The following CACNA1A variants were observed in gnomAD, a reference collection of about 807,000 sequenced individuals.
CACNA1A encodes the protein calcium voltage-gated channel subunit alpha1 A.
CACNA1A carries 57 observed loss-of-function variants against 262.4 expected under a neutral mutation model. The observed-to-expected ratio is 0.22, with a 90% confidence interval of 0.18 to 0.27. CACNA1A has a LOEUF of 0.27. Ranked by LOEUF, CACNA1A falls within the 10% of genes least tolerant of loss-of-function variation. CACNA1A has a pLI of 1.00. For missense variants in CACNA1A, 2,526 were observed against 3,562.8 expected (o/e 0.71, Z 7.41); for synonymous variants, 1,431 against 1,419.3 (o/e 1.01, Z -0.18).
At chr19:13,303,976 A>G in intron 15 of CACNA1A, 92 bp from the exon 16 acceptor site, 1 of 888,236 alleles carries the variant, frequency 1.1e-6, no homozygotes, top group Non-Finnish European at 1.8e-6. Flanking sequence ...CGCCCACCCC[A>G]TCCCCGAGCC....
intron 25 of CACNA1A, chr19:13,261,917 C>T: frequency 3.7e-6 from 1 of 266,988 alleles, no homozygotes; most frequent in African/African-American, 2.2e-5. Flanking sequence ...TCTCTCAATC[C>T]TTTTGAGTGA....
chr19:13,324,002 T>C (rs1169982588), intron 10 of CACNA1A, among the ~76,000 whole-genome samples: 1 of 152,146 alleles, frequency 6.6e-6, no homozygotes, highest in Non-Finnish European at 1.5e-5. Flanking sequence ...TGTCCCACAA[T>C]GGATGAATGG....
chr19:13,457,407 A>G (rs188734317), intron 1 of CACNA1A, among the ~76,000 whole-genome samples: 13 of 152,354 alleles, frequency 8.5e-5, no homozygotes, highest in Admixed American at 3.3e-4. Flanking sequence ...ATCGTAAGAC[A>G]GGTATTCCAA....
intron 3 of CACNA1A, among the ~76,000 whole-genome samples, chr19:13,386,207 GCCA>G (rs1212061224): frequency 4.0e-5 from 6 of 150,904 alleles, no homozygotes; most frequent in Non-Finnish European, 8.8e-5. Flanking sequence ...CCATCCAAGA[GCCA>G]CCACCACTAC....
At chr19:13,320,551 A>T (rs139838563) in intron 10 of CACNA1A, among the ~76,000 whole-genome samples, 36 of 151,852 alleles carry the variant, frequency 2.4e-4, no homozygotes, top group African/African-American at 7.0e-4. Flanking sequence ...CCATTGAGAA[A>T]GTCCTTCCTG....
At chr19:13,368,329 T>C (rs8109539) in intron 4 of CACNA1A, among the ~76,000 whole-genome samples, 39,619 of 150,798 alleles carry the variant, frequency 0.26, 9,235 homozygotes, top group African/African-American at 0.59. Context: ...TTTCTCTGCC[T>C]ATCATTGGCT....
Position 13,298,830 on chromosome 19 carries a change from G to A in CACNA1A, c.2803C>T (p.Arg935Trp), listed in dbSNP as rs931394162. Residue 935 changes from arginine to tryptophan, a missense_variant, in exon 19 of 47, where the codon CGG becomes TGG. This residue lies in a region of CACNA1A where 765 missense variants were observed against 748.6 expected (regional missense o/e 1.02). Transcript: ENST00000360228. ...AGDPHRRHVH[R>W]QGGSRESRSG... is the part of the protein sequence containing the mutation. ...CGGCTCTCCCTGCTGCCCCCCTGCCGGTGCACGTGCCTCCGGTGGGGGTCC... is the reference window on the plus strand; with the variant it reads ...CGGCTCTCCCTGCTGCCCCCCTGCCAGTGCACGTGCCTCCGGTGGGGGTCC... 5.7e-6 allele frequency: 9 copies of A among 1,576,070 alleles called. No individual in the cohort carries two copies. Among genetic ancestry groups the A allele is most frequent in the East Asian group, 2.3e-5 (1 of 42,864 alleles).
At chr19:13,458,808 TCAGAAGTGTCCCA>T (rs1325771654) in intron 1 of CACNA1A, among the ~76,000 whole-genome samples, 5 of 152,128 alleles carry the variant, frequency 3.3e-5, no homozygotes, top group Non-Finnish European at 7.3e-5. Context: ...GCCACACCCC[TCAGAAGTGTCCCA>T]CGCCAACAGG....
chr19:13,312,699 GAAGTAAGGCCGCGTCCC>G lies in CACNA1A; in HGVS notation c.1621_1637del (p.Gly541ProfsTer8), dbSNP rs2058057497. On this transcript the variant is annotated frameshift_variant, in exon 12 of 47. Transcript: ENST00000360228. LOFTEE classifies it high-confidence loss of function. ...AGTCAAAGCAGTTGAAGGAAGAGTGGAAGTAAGGCCGCGTCCCAAGCCCGTACATTTTTATAAACATT... is the reference window on the plus strand; with the variant it reads ...AGTCAAAGCAGTTGAAGGAAGAGTGGAAGCCCGTACATTTTTATAAACATT... 6.3e-7 allele frequency: 1 copy of G among 1,593,268 alleles called. No homozygotes were observed. Among genetic ancestry groups the G allele is most frequent in the Admixed American group, 1.8e-5 (1 of 55,636 alleles).
chr19:13,308,543 C>T lies in CACNA1A; in HGVS notation c.1669-15G>A. 1 of 1,540,674 alleles carries T rather than the reference C, an allele frequency of 6.5e-7. No homozygotes were observed. The highest frequency in any genetic ancestry group is 8.9e-7 in the Non-Finnish European group (1 of 1,118,160). ...CCAATGATAACCTAGGGCAGAGAAC[C>T]TGGTCTCATGTCCAGGGACAGTGTC... On this transcript the variant is annotated splice_polypyrimidine_tract_variant and intron_variant, in intron 12 of 46. Coordinates refer to ENST00000360228, the MANE Select transcript of CACNA1A (RefSeq NM_001127222.2). The surrounding 1 kb of genome is among the most constrained non-coding windows in gnomAD (Gnocchi z 4.2).
At chr19:13,467,015 C>A (rs2061257306) in intron 1 of CACNA1A, among the ~76,000 whole-genome samples, 1 of 151,952 alleles carries the variant, frequency 6.6e-6, no homozygotes, top group African/African-American at 2.4e-5. Flanking sequence ...GGATTACAGG[C>A]GTGAGCCACT....
At chr19:13,488,075 T>C (rs969548011) in intron 1 of CACNA1A, among the ~76,000 whole-genome samples, 1 of 152,162 alleles carries the variant, frequency 6.6e-6, no homozygotes, top group African/African-American at 2.4e-5. Context: ...CCACTGCATC[T>C]GACCCTACTC....
rs773844470 is a variant in CACNA1A at position 13,286,513 on chromosome 19, G to A, written c.3543C>T (p.Thr1181=). 3.2e-5 allele frequency: 46 copies of A among 1,457,896 alleles called. 1 individual carries two copies. The highest frequency in any genetic ancestry group is 1.4e-4 in the South Asian group (10 of 72,476). The allele number at this position is 1,457,896 out of a possible 1,614,324, so 90.3% of individuals were successfully genotyped here. The change falls in exon 20 of 47, where the codon ACC becomes ACT. Residue 1181 remains threonine (T), a synonymous_variant. Coordinates refer to ENST00000360228, the MANE Select transcript of CACNA1A (RefSeq NM_001127222.2). The part of the protein sequence containing the change: ...PPACPPPLNH[T]VVQVNKNANP... ...AGCAGAGGGTCTCACCTTGTACGAC[G>A]GTGTGGTTGAGGGGGGGTGGGCAGG...
At chr19:13,452,816 C>A in intron 3 of CACNA1A, 60 bp downstream of exon 3, 2 of 1,550,808 alleles carry the variant, frequency 1.3e-6, no homozygotes, top group Non-Finnish European at 1.8e-6. Flanking sequence ...ACCACACCAA[C>A]CAAAAGCCTC....
intron 1 of CACNA1A, among the ~76,000 whole-genome samples, chr19:13,479,599 G>A (rs1198992910): frequency 2.0e-5 from 3 of 152,148 alleles, no homozygotes; most frequent in Non-Finnish European, 2.9e-5. Flanking sequence ...TGGAGCTTGG[G>A]AAGAAAAGAG....
intron 2 of CACNA1A, among the ~76,000 whole-genome samples, chr19:13,453,687 C>T (rs746631886): frequency 1.3e-5 from 2 of 152,208 alleles, no homozygotes; most frequent in Non-Finnish European, 2.9e-5. Context: ...CTTCCAGCTG[C>T]TAATCTATCA....
intron 29 of CACNA1A, 24 bp downstream of exon 29, chr19:13,255,070 CT>C: frequency 1.2e-6 from 2 of 1,612,450 alleles, no homozygotes; most frequent in South Asian, 2.2e-5. Flanking sequence ...TTAAGTAGTG[CT>C]GGGGGCTGGT....
chr19:13,311,871 A>G, intron 12 of CACNA1A, among the ~76,000 whole-genome samples: 1 of 150,442 alleles, frequency 6.6e-6, no homozygotes, highest in East Asian at 2.0e-4. Context: ...ATAAAAAAAA[A>G]TAAATAAATT....
At chr19:13,253,888 C>T (rs949582145) in intron 29 of CACNA1A, among the ~76,000 whole-genome samples, 9 of 152,082 alleles carry the variant, frequency 5.9e-5, no homozygotes, top group Non-Finnish European at 7.4e-5. Flanking sequence ...TATAGGCATG[C>T]GCCACCACGC....
Sources: allele counts gnomAD v4.1 joint callset (sites outside exome capture counted in the v4.1 genomes callset), GRCh38; gene constraint gnomAD v4.1.1; regional missense constraint gnomAD v4.1.1; non-coding constraint Gnocchi (gnomAD v3.1); transcripts MANE v1.5; gene names NCBI Gene and HGNC (gene_info 2026-07-23, HGNC 2026-07-21).